CMYA5: variants seen among roughly 807,000 people sequenced by gnomAD.
CMYA5 encodes the protein cardiomyopathy associated 5, also known as cardiomyopathy-associated protein 5.
A neutral mutation model predicts 318.9 loss-of-function variants in CMYA5; 246 were observed. That is an observed-to-expected ratio of 0.77 (90% CI 0.70 to 0.86). The LOEUF (loss-of-function observed/expected upper bound fraction) is 0.86, where lower values mean the gene tolerates loss of function less well. CMYA5 is among the 40% of genes least tolerant of loss of function. The pLI, the probability that CMYA5 is intolerant of heterozygous loss-of-function variation, is 0.00. For synonymous variants in CMYA5, 1,641 were observed against 1,729.5 expected (o/e 0.95, Z 1.27); for missense variants, 4,589 against 4,678.2 (o/e 0.98, Z 0.56).
chr5:79,731,669 A>G lies in CMYA5; in HGVS notation c.2904A>G (p.Arg968=). ...PPYATQEAEK[R]EFECDSPICL... Reference sequence around the variant, plus strand: ...ATGCAACCCAGGAAGCAGAGAAAAGAGAATTTGAGTGCGATTCTCCAATAT... The same window carrying G: ...ATGCAACCCAGGAAGCAGAGAAAAGGGAATTTGAGTGCGATTCTCCAATAT... Residue 968 remains arginine, a synonymous_variant, in exon 2 of 13, where the codon AGA becomes AGG. Transcript: ENST00000446378. 6.2e-7 allele frequency: 1 copy of G among 1,613,976 alleles called. No individual in the cohort carries two copies. Among genetic ancestry groups the G allele is most frequent in the East Asian group, 2.2e-5 (1 of 44,886 alleles).
chr5:79,759,561 A>T (rs78104527), intron 7 of CMYA5, among the ~76,000 whole-genome samples: 1 of 152,194 alleles, frequency 6.6e-6, no homozygotes. Context: ...CTCTGTAAGT[A>T]TCTCTCAGCT....
At chr5:79,702,600 G>A (rs1436873255) in intron 1 of CMYA5, among the ~76,000 whole-genome samples, 1 of 152,162 alleles carries the variant, frequency 6.6e-6, no homozygotes, top group African/African-American at 2.4e-5. Context: ...AGCTGGAAGG[G>A]AGATGTGGAA....
intron 3 of CMYA5, among the ~76,000 whole-genome samples, chr5:79,744,754 C>T (rs776424766): frequency 7.2e-5 from 11 of 152,182 alleles, no homozygotes; most frequent in Admixed American, 1.3e-4. Context: ...GGACAGGCAA[C>T]GAAGTTTCTC....
intron 1 of CMYA5, among the ~76,000 whole-genome samples, chr5:79,691,914 G>A (rs183547511): frequency 1.6e-4 from 25 of 152,310 alleles, no homozygotes; most frequent in African/African-American, 6.0e-4. Flanking sequence ...GAAAACTGAA[G>A]GGCATGGGGG....
intron 1 of CMYA5, among the ~76,000 whole-genome samples, chr5:79,702,849 G>T (rs990427915): frequency 6.6e-6 from 1 of 152,184 alleles, no homozygotes; most frequent in Non-Finnish European, 1.5e-5. Flanking sequence ...CACAATTTGT[G>T]CTATTGCCAC....
chr5:79,787,036 CAGTTGACT>C (rs1187056381), intron 9 of CMYA5, among the ~76,000 whole-genome samples: 2 of 152,178 alleles, frequency 1.3e-5, no homozygotes, highest in East Asian at 3.8e-4. Context: ...ACAGAGCATG[CAGTTGACT>C]ATATATGTGG....
At position 79,734,880 on chromosome 5, in the gene CMYA5, A is replaced by G. The variant is rs375929849; in HGVS notation, c.6115A>G (p.Lys2039Glu). The change falls in exon 2 of 13, where the codon AAA (lysine) becomes GAA (glutamate). Residue 2039 changes from lysine (K) to glutamate (E), a missense_variant. Transcript: ENST00000446378. ...SWPSKEDSQE[K>E]IKLPPERFFQ... ...GCCTTCCAAAGAAGATAGCCAGGAA[A>G]AAATTAAACTACCTCCTGAAAGATT... 11 of 1,613,848 alleles carry G rather than the reference A, an allele frequency of 6.8e-6. No individual in the cohort carries two copies. The highest frequency in any genetic ancestry group is 8.5e-6 in the Non-Finnish European group (10 of 1,179,810).
At chr5:79,757,956 G>A (rs760907651) in intron 6 of CMYA5, among the ~76,000 whole-genome samples, 4 of 152,194 alleles carry the variant, frequency 2.6e-5, no homozygotes, top group African/African-American at 7.2e-5. Flanking sequence ...ACAGCTGGGC[G>A]CGGTGGCTCA....
intron 1 of CMYA5, among the ~76,000 whole-genome samples, chr5:79,701,779 T>C (rs1827178340): frequency 2.0e-5 from 3 of 152,200 alleles, no homozygotes; most frequent in Admixed American, 2.0e-4. Flanking sequence ...ATTCATAGCA[T>C]CATTATTCAT....
At position 79,790,974 on chromosome 5, in the gene CMYA5, C is replaced by A; in HGVS notation, c.11694C>A (p.Thr3898=). The A allele has an allele frequency of 6.2e-7, 1 of 1,611,290 alleles. No homozygotes were observed. The highest frequency in any genetic ancestry group is 8.5e-7 in the Non-Finnish European group (1 of 1,177,682). ...CTATTTTCTCACCTGCAATAGGAAC[C>A]AGATTTCTCTTGTTGAGAGAAACAG... ...SEAALISTRG[T]RFLLLRETAH... Residue 3898 remains threonine, a synonymous_variant, in exon 11 of 13, where the codon ACC becomes ACA. Transcript: ENST00000446378.
At chr5:79,728,856 C>A (rs1319840699) in intron 1 of CMYA5, 59 bp from the exon 2 acceptor site, 13 of 764,984 alleles carry the variant, frequency 1.7e-5, no homozygotes, top group Non-Finnish European at 2.3e-5. Context: ...TTTACTTATT[C>A]TATTAATTAG....
chr5:79,705,346 A>T (rs1333372866), intron 1 of CMYA5, among the ~76,000 whole-genome samples: 1 of 152,200 alleles, frequency 6.6e-6, no homozygotes, highest in East Asian at 1.9e-4. Context: ...AGAGCTAGCC[A>T]AAAGAACCCC....
chr5:79,798,159 T>G (rs988697920), intron 12 of CMYA5, among the ~76,000 whole-genome samples: 1 of 152,014 alleles, frequency 6.6e-6, no homozygotes, highest in Non-Finnish European at 1.5e-5. Flanking sequence ...CTTTCTGCAA[T>G]GAAGTTGCCA....
intron 11 of CMYA5, among the ~76,000 whole-genome samples, chr5:79,793,044 G>C (rs1443900407): frequency 6.6e-6 from 1 of 152,126 alleles, no homozygotes; most frequent in Non-Finnish European, 1.5e-5. Context: ...TGCAAGTTTT[G>C]GAAGAAAACT....
intron 1 of CMYA5, among the ~76,000 whole-genome samples, chr5:79,728,264 A>G (rs1226449794): frequency 6.6e-6 from 1 of 152,136 alleles, no homozygotes; most frequent in African/African-American, 2.4e-5. Context: ...GGGTGCAGGT[A>G]CACACTTGGA....
At chr5:79,726,567 C>T (rs1827751682) in intron 1 of CMYA5, among the ~76,000 whole-genome samples, 1 of 152,186 alleles carries the variant, frequency 6.6e-6, no homozygotes, top group African/African-American at 2.4e-5. Flanking sequence ...TTCTTCCCGA[C>T]CCTTCACTCA....
chr5:79,765,163 G>T (rs1828727119), intron 9 of CMYA5, among the ~76,000 whole-genome samples: 2 of 152,172 alleles, frequency 1.3e-5, no homozygotes, highest in Non-Finnish European at 2.9e-5. Context: ...GTTAATTTTT[G>T]TATAAGGTAT....
rs748130497 is a variant in CMYA5 at position 79,736,770 on chromosome 5, C to G, written c.8005C>G (p.His2669Asp). 4 of 1,612,488 alleles carry G rather than the reference C, an allele frequency of 2.5e-6. No individual in the cohort carries two copies. In the South Asian group the frequency reaches 3.3e-5, roughly 13 times the overall value. Residue 2669 changes from histidine (H) to aspartate (D), a missense_variant, in exon 2 of 13, where the codon CAC (histidine) becomes GAC (aspartate). His to Asp is a moderately conservative substitution (Grantham distance 81). This residue lies in a region of CMYA5 where 2,431 missense variants were observed against 2,495.1 expected (regional missense o/e 0.97). Transcript: ENST00000446378. ...LEKSSRDMPD[H>D]SEEKEQFRES... is the part of the protein sequence containing the mutation. ...AAAGTCAAGCAGAGATATGCCAGAT[C>G]ACAGTGAAGAAAAAGAACAGTTCAG... is the stretch of plus-strand genomic sequence containing the variant.
intron 2 of CMYA5, among the ~76,000 whole-genome samples, chr5:79,742,025 C>T (rs376150715): frequency 2.0e-5 from 3 of 150,526 alleles, no homozygotes; most frequent in Non-Finnish European, 4.4e-5. Context: ...TCTCCTCCTT[C>T]CTCCTCCTCC....
Sources: gnomAD v4.1 joint callset for allele counts (sites outside exome capture counted in the v4.1 genomes callset) on GRCh38, gnomAD v4.1.1 for gene constraint, gnomAD v4.1.1 regional missense constraint, MANE v1.5 for transcripts, NCBI Gene and HGNC (gene_info 2026-07-23, HGNC 2026-07-21) for gene names.